MAF: variants seen among roughly 807,000 people sequenced by gnomAD.
The protein encoded by MAF is MAF bZIP transcription factor.
In MAF, 10 loss-of-function variants were observed where a neutral mutation model predicts 22.0. The observed-to-expected ratio is 0.45, with a 90% CI of 0.28 to 0.77. The LOEUF (loss-of-function observed/expected upper bound fraction) is 0.77. Among genes scored for constraint, MAF ranks in the 30% least tolerant of loss-of-function variants. The pLI, the probability that MAF is intolerant of heterozygous loss-of-function variation, is 0.12. For synonymous variants in MAF, 337 were observed against 255.8 expected, an observed-to-expected ratio of 1.32 and a Z score of -3.03; for missense variants, 544 against 548.4, an observed-to-expected ratio of 0.99 and a Z score of 0.08.
At chr16:79,326,848 CAG>C in the MAF span, among the ~76,000 whole-genome samples, 11 of 152,140 alleles carry the variant, frequency 7.2e-5, no homozygotes, top group Admixed American at 1.3e-4. Flanking sequence ...TTGAGGCATC[CAG>C]AGACACAGGG....
chr16:79,542,973 G>A, the MAF span, among the ~76,000 whole-genome samples: 1 of 152,186 alleles, frequency 6.6e-6, no homozygotes, highest in African/African-American at 2.4e-5. Context: ...GCATATGTGT[G>A]TGCATGCACA....
the MAF span, among the ~76,000 whole-genome samples, chr16:79,404,588 G>A: frequency 6.6e-6 from 1 of 152,224 alleles, no homozygotes; most frequent in Admixed American, 6.5e-5. Context: ...CAGAGTCAAT[G>A]AATGACACAC....
At chr16:79,403,802 C>G in the MAF span, among the ~76,000 whole-genome samples, 68 of 152,280 alleles carry the variant, frequency 4.5e-4, no homozygotes, top group Admixed American at 2.2e-3. Context: ...GCTCAACAAC[C>G]AAAGGTCACC....
the MAF span, among the ~76,000 whole-genome samples, chr16:79,383,715 T>C: frequency 6.6e-6 from 1 of 152,216 alleles, no homozygotes; most frequent in Non-Finnish European, 1.5e-5. Flanking sequence ...GTGTTTACGC[T>C]GGTCCTCTTT....
the MAF span, among the ~76,000 whole-genome samples, chr16:79,214,310 C>G: frequency 1.3e-5 from 2 of 152,188 alleles, no homozygotes; most frequent in African/African-American, 4.8e-5. Flanking sequence ...ACACAGCAAA[C>G]TTACTGACTT....
At chr16:79,590,146 C>T (rs1370361570), downstream of MAF, among the ~76,000 whole-genome samples, 1 of 152,106 alleles carries the variant, frequency 6.6e-6, no homozygotes, top group East Asian at 1.9e-4. Flanking sequence ...GCTATTGGGC[C>T]CCGCAGAACC....
At chr16:79,252,572 C>T in the MAF span, among the ~76,000 whole-genome samples, 7 of 152,074 alleles carry the variant, frequency 4.6e-5, no homozygotes, top group East Asian at 1.9e-4. Context: ...TCACTGCAAC[C>T]GCAACCTCCT....
the MAF span, among the ~76,000 whole-genome samples, chr16:79,218,730 A>G: frequency 1.3e-5 from 2 of 152,234 alleles, no homozygotes; most frequent in Admixed American, 6.5e-5. Flanking sequence ...CAGAGTTCAC[A>G]TGTTTAATTA....
At chr16:79,521,014 G>C in the MAF span, among the ~76,000 whole-genome samples, 12 of 152,180 alleles carry the variant, frequency 7.9e-5, no homozygotes, top group Non-Finnish European at 1.3e-4. Context: ...TGTTAGTAAT[G>C]CTGGAGCCTG....
the MAF span, chr16:79,206,433 A>G: frequency 6.6e-6 from 1 of 152,220 alleles, no homozygotes; most frequent in African/African-American, 2.4e-5. Context: ...TTGATCTCTG[A>G]TATCAGGTAG....
chr16:79,596,640 C>G, intron 1 of MAF: 10 of 1,039,200 alleles, frequency 9.6e-6, no homozygotes, highest in Non-Finnish European at 9.3e-6. Flanking sequence ...AAGTAACTGA[C>G]AAGATTTTTT....
chr16:79,544,689 C>T, the MAF span, among the ~76,000 whole-genome samples: 505 of 148,722 alleles, frequency 3.4e-3, 3 homozygotes, highest in African/African-American at 0.011. Context: ...AGGAGAATGG[C>T]GTGAACCCAG....
chr16:79,456,152 C>T, the MAF span, among the ~76,000 whole-genome samples: 1 of 152,192 alleles, frequency 6.6e-6, no homozygotes, highest in Admixed American at 6.5e-5. Flanking sequence ...TGCTTGCCTA[C>T]TATCCTAGCA....
chr16:79,361,680 G>A, the MAF span, among the ~76,000 whole-genome samples: 1 of 150,462 alleles, frequency 6.6e-6, no homozygotes, highest in African/African-American at 2.4e-5. Context: ...CGAAAGATTG[G>A]TTTTTTTTTC....
chr16:79,401,994 G>A, the MAF span, among the ~76,000 whole-genome samples: 1 of 152,156 alleles, frequency 6.6e-6, no homozygotes, highest in Non-Finnish European at 1.5e-5. Flanking sequence ...AGGACCCTGA[G>A]GCCAAAGAGG....
chr16:79,534,899 C>A, the MAF span, among the ~76,000 whole-genome samples: 20 of 152,074 alleles, frequency 1.3e-4, no homozygotes, highest in Non-Finnish European at 2.9e-4. Flanking sequence ...GTGGGCCAAC[C>A]GCTTCATCTT....
At chr16:79,214,515 C>G in the MAF span, among the ~76,000 whole-genome samples, 1 of 152,074 alleles carries the variant, frequency 6.6e-6, no homozygotes, top group East Asian at 1.9e-4. Flanking sequence ...ACGCGATTCT[C>G]CTGCCTCAGC....
At position 79,600,056 on chromosome 16, in the gene MAF, G is replaced by C; in HGVS notation, c.-154C>G. On this transcript the variant is annotated 5_prime_UTR_variant, in exon 1 of 2. Transcript: ENST00000326043. ...GCGGTGGCTGGCCCGAAACCTCCGA[G>C]CGCGCTCACACACACACCCCCCCGC... The C allele has an allele frequency of 9.8e-7, 1 of 1,020,172 alleles. No homozygotes were observed. Among genetic ancestry groups the C allele is most frequent in the Non-Finnish European group, 1.4e-6 (1 of 703,278 alleles). 63.2% of individuals were successfully genotyped at this position (1,020,172 alleles called of 1,614,324 possible). A position where few individuals can be genotyped will look rare whatever the true frequency, so the allele number is the denominator to read the frequency against.
chr16:79,595,007 A>G (rs1293996136), intron 1 of MAF: 9 of 1,065,458 alleles, frequency 8.4e-6, no homozygotes, highest in Middle Eastern at 4.2e-4. Context: ...TACATCCAGA[A>G]TATCACTCTT....
Sources: allele counts gnomAD v4.1 joint callset (sites outside exome capture counted in the v4.1 genomes callset), GRCh38; gene constraint gnomAD v4.1.1; transcripts MANE v1.5; gene names NCBI Gene and HGNC (gene_info 2026-07-23, HGNC 2026-07-21).